MYO5A: variants seen among roughly 807,000 people sequenced by gnomAD.
The protein encoded by MYO5A is myosin VA, also known as unconventional myosin-Va.
Under a neutral mutation model 249.7 loss-of-function variants are expected in MYO5A, and 98 were observed. The ratio of observed to expected loss-of-function variants is 0.39; its 90% CI spans 0.33 to 0.46. The LOEUF (loss-of-function observed/expected upper bound fraction) is 0.46. MYO5A is among the 20% of genes least tolerant of loss of function. MYO5A has a pLI of 0.98. For missense variants in MYO5A, 1,696 were observed against 2,308.8 expected (o/e 0.73, Z 5.44); for synonymous variants, 778 against 810.6 (o/e 0.96, Z 0.68).
At chr15:52,499,014 G>C (rs1566857212) in intron 1 of MYO5A, among the ~76,000 whole-genome samples, 1 of 152,154 alleles carries the variant, frequency 6.6e-6, no homozygotes. Context: ...AAAAACTAGA[G>C]CTACTACTAG....
At chr15:52,525,379 G>A (rs1207022587) in intron 1 of MYO5A, among the ~76,000 whole-genome samples, 1 of 152,148 alleles carries the variant, frequency 6.6e-6, no homozygotes, top group Non-Finnish European at 1.5e-5. Context: ...CAAGAACCTA[G>A]CTATTGTCCT....
chr15:52,352,925 C>T (rs866562020), intron 27 of MYO5A, among the ~76,000 whole-genome samples: 3 of 152,324 alleles, frequency 2.0e-5, no homozygotes, highest in Middle Eastern at 3.4e-3. Context: ...CTCCCACCAA[C>T]TGGTAATCAG....
At chr15:52,386,235 G>A (rs2041967529) in intron 14 of MYO5A, among the ~76,000 whole-genome samples, 1 of 151,956 alleles carries the variant, frequency 6.6e-6, no homozygotes, top group South Asian at 2.1e-4. Context: ...CCTGAGCCAG[G>A]GAGGTCGAGG....
Position 52,528,664 on chromosome 15 carries a change from G to C in MYO5A, c.27+116C>G, listed in dbSNP as rs574448673. 133 of 1,218,082 alleles carry C rather than the reference G, an allele frequency of 1.1e-4. 1 individual carries two copies. The East Asian group carries it at 3.5e-3, about 32-fold the overall frequency. The allele number at this position is 1,218,082 out of a possible 1,614,324, so 75.5% of individuals were successfully genotyped here. A position where few individuals can be genotyped will look rare whatever the true frequency, so the allele number is the denominator to read the frequency against. The stretch of plus-strand genomic sequence containing the variant: ...GCCGAGGGTTCTGAGGCGCTGAAGG[G>C]GATGGCGCTGGTGGGGCTCGCCTGG... On this transcript the variant is annotated intron_variant, in intron 1 of 41. Coordinates refer to ENST00000399233, the MANE Select transcript of MYO5A (RefSeq NM_001382347.1).
At position 52,384,276 on chromosome 15, in the gene MYO5A, C is replaced by T. The variant is rs1196638746; in HGVS notation, c.1799G>A (p.Ser600Asn). 1 of 1,614,208 alleles carries T rather than the reference C, an allele frequency of 6.2e-7. No homozygotes were observed. The highest frequency in any genetic ancestry group is 2.2e-5 in the East Asian group (1 of 44,874). ...CCCTGAGGAGGTGGCTGAAGTTGGA[C>T]TGATGGCCTTCTCATCATCTTGAAA... The part of the protein sequence containing the change: ...ELFQDDEKAI[S>N]PTSATSSGRT... Residue 600 changes from serine (S) to asparagine (N), a missense_variant, in exon 15 of 42, where the codon AGT (serine) becomes AAT (asparagine). Physicochemically the swap from Ser to Asn is conservative, Grantham distance 46. Transcript: ENST00000399233.
chr15:52,457,453 C>G (rs930501290), intron 1 of MYO5A, among the ~76,000 whole-genome samples: 1 of 149,434 alleles, frequency 6.7e-6, no homozygotes, highest in Non-Finnish European at 1.5e-5. Flanking sequence ...GACAAAGGAT[C>G]TGAACACACA....
intron 1 of MYO5A, among the ~76,000 whole-genome samples, chr15:52,496,290 A>G (rs77944667): frequency 1.9e-3 from 291 of 152,226 alleles, no homozygotes; most frequent in African/African-American, 6.9e-3. Context: ...TCATTTGTGT[A>G]TATCTGCCCC....
At chr15:52,501,609 A>C (rs1396841135) in intron 1 of MYO5A, among the ~76,000 whole-genome samples, 1 of 152,124 alleles carries the variant, frequency 6.6e-6, no homozygotes, top group Non-Finnish European at 1.5e-5. Context: ...TAAATAATAA[A>C]AATAAAAATA....
chr15:52,413,848 G>A (rs1289629124), intron 5 of MYO5A, among the ~76,000 whole-genome samples: 1 of 152,144 alleles, frequency 6.6e-6, no homozygotes, highest in African/African-American at 2.4e-5. Flanking sequence ...AATAGAGAAG[G>A]AAGCAGGTGA....
rs1271140965 is a variant in MYO5A, at chr15:52,313,329, A to G, written c.*367T>C. The stretch of plus-strand genomic sequence containing the variant: ...GTGCCTTCCTAACAACAGCTCATCT[A>G]TGGAAGTTATACTTTTTATACCATT... On this transcript the variant is annotated 3_prime_UTR_variant, in exon 42 of 42. Coordinates refer to ENST00000399233, the MANE Select transcript of MYO5A (RefSeq NM_001382347.1). The G allele has an allele frequency of 3.5e-6, 1 of 281,914 alleles. No homozygotes were observed. Among genetic ancestry groups the G allele is most frequent in the East Asian group, 9.0e-5 (1 of 11,136 alleles). The allele number at this position is 281,914 out of a possible 1,614,324, so 17.5% of individuals were successfully genotyped here.
intron 22 of MYO5A, among the ~76,000 whole-genome samples, chr15:52,368,436 T>G (rs1443216176): frequency 6.6e-6 from 1 of 152,180 alleles, no homozygotes; most frequent in African/African-American, 2.4e-5. Context: ...ATAGCTCCCT[T>G]TTTATATAAA....
chr15:52,462,259 C>T (rs1027176522), intron 1 of MYO5A, among the ~76,000 whole-genome samples: 5 of 145,990 alleles, frequency 3.4e-5, no homozygotes, highest in Admixed American at 2.1e-4. Flanking sequence ...GAGCGAGACT[C>T]TGTCTCAAAA....
intron 1 of MYO5A, among the ~76,000 whole-genome samples, chr15:52,487,281 T>C (rs1471810091): frequency 1.3e-5 from 2 of 151,984 alleles, no homozygotes; most frequent in Admixed American, 6.6e-5. Flanking sequence ...CTGCACATGA[T>C]GACACACACC....
chr15:52,389,579 C>T (rs1308460679), intron 12 of MYO5A, among the ~76,000 whole-genome samples: 3 of 152,142 alleles, frequency 2.0e-5, no homozygotes, highest in Non-Finnish European at 4.4e-5. Context: ...ATGGGCAACC[C>T]AGCCCAATCT....
intron 9 of MYO5A, among the ~76,000 whole-genome samples, chr15:52,400,483 TG>T (rs2042701457): frequency 6.6e-6 from 1 of 152,226 alleles, no homozygotes; most frequent in African/African-American, 2.4e-5. Context: ...GGCCTAACAG[TG>T]CTCTCTACAA....
At chr15:52,399,648 T>A (rs1398413322) in intron 9 of MYO5A, among the ~76,000 whole-genome samples, 1 of 152,034 alleles carries the variant, frequency 6.6e-6, no homozygotes, top group Middle Eastern at 3.4e-3. Context: ...TACCTGAAAC[T>A]TTTTTTTCTT....
intron 1 of MYO5A, among the ~76,000 whole-genome samples, chr15:52,475,420 C>T (rs902894871): frequency 1.3e-5 from 2 of 152,050 alleles, no homozygotes; most frequent in Non-Finnish European, 2.9e-5. Flanking sequence ...TATTTCTTGC[C>T]TTCTGCTAGC....
intron 14 of MYO5A, 66 bp from the exon 15 acceptor site, chr15:52,384,388 G>T: frequency 6.8e-7 from 1 of 1,479,130 alleles, no homozygotes; most frequent in South Asian, 1.1e-5. Context: ...CTTCACAAAA[G>T]AAATATTACA....
chr15:52,360,856 G>A (rs1183783976), intron 24 of MYO5A, among the ~76,000 whole-genome samples: 3 of 152,180 alleles, frequency 2.0e-5, no homozygotes, highest in Non-Finnish European at 4.4e-5. Context: ...TGGGCTCTTA[G>A]CATGTCCCCA....
Sources: allele counts gnomAD v4.1 joint callset (sites outside exome capture counted in the v4.1 genomes callset), GRCh38; gene constraint gnomAD v4.1.1; transcripts MANE v1.5; gene names NCBI Gene and HGNC (gene_info 2026-07-23, HGNC 2026-07-21).